The following PKHD1 variants were observed in gnomAD, a reference collection of about 807,000 sequenced individuals.
PKHD1 encodes PKHD1 ciliary IPT domain containing fibrocystin/polyductin.
A neutral mutation model predicts 412.0 loss-of-function variants in PKHD1; 291 were observed. That is an observed-to-expected ratio of 0.71 (90% CI 0.64 to 0.78). The LOEUF (loss-of-function observed/expected upper bound fraction) is 0.78, where lower values mean the gene tolerates loss of function less well. PKHD1 is among the 30% of genes least tolerant of loss of function. The pLI is 0.00. For synonymous variants in PKHD1, 1,777 were observed against 1,821.5 expected, an observed-to-expected ratio of 0.98 and a Z score of 0.62; for missense variants, 4,825 against 4,950.7, an observed-to-expected ratio of 0.97 and a Z score of 0.76.
intron 41 of PKHD1, among the ~76,000 whole-genome samples, chr6:51,904,368 A>G (rs1203808641): frequency 6.6e-6 from 1 of 152,178 alleles, no homozygotes; most frequent in Non-Finnish European, 1.5e-5. Flanking sequence ...GCCACCTGCT[A>G]TCTGCATGCC....
At chr6:51,813,976 C>T (rs1297276741) in intron 52 of PKHD1, among the ~76,000 whole-genome samples, 1 of 152,160 alleles carries the variant, frequency 6.6e-6, no homozygotes, top group Non-Finnish European at 1.5e-5. Flanking sequence ...ACATTTCTCA[C>T]ACAGCTTTGA....
At position 51,619,130 on chromosome 6, in the gene PKHD1, G is replaced by T. The variant is rs1284182261; in HGVS notation, c.12176C>A (p.Ala4059Glu). ...EKKASCGATE[A>E]FCLHSVHPET... ...CGGGTGTACTGAATGAAGGCAGAAT[G>T]CCTCAGTGGCCCCGCAGGAGGCTTT... The change falls in exon 67 of 67, where the codon GCA becomes GAA. Residue 4059 changes from alanine to glutamate, a missense_variant. Transcript: ENST00000371117. The T allele has an allele frequency of 1.2e-6, 2 of 1,614,138 alleles. No individual in the cohort carries two copies. Among genetic ancestry groups the T allele is most frequent in the Non-Finnish European group, 8.5e-7 (1 of 1,180,048 alleles).
At chr6:51,985,752 T>C (rs1796127991) in intron 35 of PKHD1, among the ~76,000 whole-genome samples, 1 of 152,068 alleles carries the variant, frequency 6.6e-6, no homozygotes, top group Non-Finnish European at 1.5e-5. Context: ...TAATAAAGCA[T>C]ATGCTACCCT....
At chr6:51,721,946 C>T (rs765902053) in intron 60 of PKHD1, 1 of 1,613,240 alleles carries the variant, frequency 6.2e-7, no homozygotes, top group East Asian at 2.2e-5. Context: ...CCTGCTGCCT[C>T]ATTAATCTTT....
At chr6:52,083,945 A>T (rs567046484) in intron 2 of PKHD1, among the ~76,000 whole-genome samples, 1 of 151,876 alleles carries the variant, frequency 6.6e-6, no homozygotes, top group Non-Finnish European at 1.5e-5. Context: ...TGAAGCATGG[A>T]TCATTGCTGG....
At chr6:51,908,554 G>A (rs987881503) in intron 40 of PKHD1, among the ~76,000 whole-genome samples, 2 of 152,152 alleles carry the variant, frequency 1.3e-5, no homozygotes, top group African/African-American at 4.8e-5. Flanking sequence ...CTGCATGTCA[G>A]CTTTTGGTAA....
intron 57 of PKHD1, among the ~76,000 whole-genome samples, chr6:51,749,517 T>C (rs181505442): frequency 7.9e-5 from 12 of 152,338 alleles, no homozygotes; most frequent in African/African-American, 2.6e-4. Context: ...TGAATTAATA[T>C]GCAATAATAA....
intron 35 of PKHD1, among the ~76,000 whole-genome samples, chr6:51,967,445 A>G (rs987337841): frequency 6.6e-6 from 1 of 152,188 alleles, no homozygotes; most frequent in Non-Finnish European, 1.5e-5. Flanking sequence ...AACATGCGCA[A>G]AATGGAACTT....
chr6:51,646,387 G>A lies in PKHD1; in HGVS notation c.11398+1644C>T, dbSNP rs948527595. Among the ~76,000 whole-genome samples, 9 of 152,156 alleles carry A rather than the reference G, an allele frequency of 5.9e-5. 1 individual carries two copies. Reference sequence around the variant, plus strand: ...GGCAAGATCTGTGTGTTGGGAGATTGACTGCACACAATAGGGAGAAGGCTC... The same window carrying A: ...GGCAAGATCTGTGTGTTGGGAGATTAACTGCACACAATAGGGAGAAGGCTC... On this transcript the variant is annotated intron_variant, in intron 63 of 66. Transcript: ENST00000371117.
At position 51,659,798 on chromosome 6, in the gene PKHD1, C is replaced by T. The variant is rs766947153; in HGVS notation, c.10328G>A (p.Ser3443Asn). The change falls in exon 61 of 67, where the codon AGT becomes AAT. Residue 3443 changes from serine to asparagine, a missense_variant. Physicochemically the swap from Ser to Asn is conservative, Grantham distance 46 (BLOSUM62 1). Coordinates refer to ENST00000371117, the MANE Select transcript of PKHD1 (RefSeq NM_138694.4). ...AGAGCAGGGAATATTGGCATTTACA[C>T]TGCTAAAGACATCAACAAAACCACT... is the stretch of plus-strand genomic sequence containing the variant. ...VTSGFVDVFSSVNANIPCSTS... is the reference protein window; with the variant it reads ...VTSGFVDVFSNVNANIPCSTS... The T allele has an allele frequency of 6.2e-7, 1 of 1,613,808 alleles. No homozygotes were observed. Among genetic ancestry groups the T allele is most frequent in the East Asian group, 2.2e-5 (1 of 44,860 alleles).
At chr6:52,066,277 A>T (rs1582066694) in intron 11 of PKHD1, among the ~76,000 whole-genome samples, 200 bp from the exon 12 acceptor site, 1 of 152,194 alleles carries the variant, frequency 6.6e-6, no homozygotes, top group South Asian at 2.1e-4. Flanking sequence ...ATTATCGAGG[A>T]TCAATATTTG....
At chr6:52,074,178 T>A (rs529860040) in intron 6 of PKHD1, among the ~76,000 whole-genome samples, 6 of 152,334 alleles carry the variant, frequency 3.9e-5, no homozygotes, top group African/African-American at 1.4e-4. Context: ...ACTGAGGGAC[T>A]CATGAGGTCA....
At chr6:51,835,168 C>T (rs1256858272) in intron 51 of PKHD1, among the ~76,000 whole-genome samples, 1 of 152,150 alleles carries the variant, frequency 6.6e-6, no homozygotes, top group Non-Finnish European at 1.5e-5. Context: ...CCAGAGAATC[C>T]TTAGTACAGA....
intron 60 of PKHD1, among the ~76,000 whole-genome samples, chr6:51,673,897 A>T (rs1775417966): frequency 6.6e-6 from 1 of 152,144 alleles, no homozygotes; most frequent in Non-Finnish European, 1.5e-5. Context: ...GAGTTTGCTG[A>T]TCCCAAGTAC....
chr6:51,894,152 T>A (rs1280447364), intron 43 of PKHD1, among the ~76,000 whole-genome samples: 2 of 152,186 alleles, frequency 1.3e-5, no homozygotes, highest in Non-Finnish European at 2.9e-5. Flanking sequence ...AGTCCTAGAC[T>A]CCGGAGCTGG....
chr6:51,730,896 G>T (rs1783157883), intron 60 of PKHD1, among the ~76,000 whole-genome samples: 1 of 152,150 alleles, frequency 6.6e-6, no homozygotes, highest in African/African-American at 2.4e-5. Context: ...ATAAGCTCAG[G>T]TTTGAGATTC....
chr6:51,637,566 G>C (rs961510739), intron 64 of PKHD1, among the ~76,000 whole-genome samples: 4 of 151,398 alleles, frequency 2.6e-5, no homozygotes, highest in African/African-American at 9.7e-5. Context: ...TAGCCAGGGA[G>C]CAATAATATT....
chr6:51,893,805 A>C (rs992973807), intron 43 of PKHD1, among the ~76,000 whole-genome samples: 2 of 152,200 alleles, frequency 1.3e-5, no homozygotes, highest in Admixed American at 1.3e-4. Context: ...TTACCTATTG[A>C]GTGGGGAAAG....
At chr6:51,918,784 T>A (rs1379002046) in intron 37 of PKHD1, among the ~76,000 whole-genome samples, 1 of 152,214 alleles carries the variant, frequency 6.6e-6, no homozygotes, top group African/African-American at 2.4e-5. Context: ...TCTTCCAGTG[T>A]AAAAGTGTTT....
Sources: allele counts gnomAD v4.1 joint callset (sites outside exome capture counted in the v4.1 genomes callset), GRCh38; gene constraint gnomAD v4.1.1; transcripts MANE v1.5; gene names NCBI Gene and HGNC (gene_info 2026-07-23, HGNC 2026-07-21).